BRMS1L: variants seen among roughly 807,000 people sequenced by gnomAD.
BRMS1L encodes BRMS1 like transcriptional repressor, also known as breast cancer metastasis-suppressor 1-like protein.
Under a neutral mutation model 50.3 loss-of-function variants are expected in BRMS1L, and 23 were observed. The observed-to-expected ratio is 0.46, with a 90% CI of 0.33 to 0.65. The LOEUF is 0.65. BRMS1L is among the 30% of genes least tolerant of loss of function. The pLI is 0.02. For synonymous variants in BRMS1L, 114 were observed against 126.9 expected, an observed-to-expected ratio of 0.90 and a Z score of 0.69; for missense variants, 286 against 386.1, an observed-to-expected ratio of 0.74 and a Z score of 2.17.
chr14:35,834,849 T>C lies in BRMS1L; in HGVS notation c.367T>C (p.Tyr123His), dbSNP rs1157955380. 1.3e-6 allele frequency: 2 copies of C among 1,567,544 alleles called. No individual in the cohort carries two copies. The highest frequency in any genetic ancestry group is 4.6e-5 in the East Asian group (2 of 43,202). Residue 123 changes from tyrosine (Y) to histidine (H), a missense_variant, in exon 4 of 10, where the codon TAT becomes CAT. By Grantham distance (83) the Tyr-to-His change is moderately conservative. This residue lies in a region of BRMS1L where 160 missense variants were observed against 240.6 expected (regional missense o/e 0.66). Transcript: ENST00000216807. ...GTAATTGTGTTTGGTTGCAGGAATC[T>C]ATAGAGAGCTCTGCTTAGAATCTGT... ...MQIRTKVAGI[Y>H]RELCLESVKN...
chr14:35,865,890 A>G (rs1298453578), intron 8 of BRMS1L, 129 bp downstream of exon 8: 1 of 821,628 alleles, frequency 1.2e-6, no homozygotes, highest in Non-Finnish European at 1.9e-6. Context: ...GCCTGAAATT[A>G]TGAGGAATTC....
intron 1 of BRMS1L, among the ~76,000 whole-genome samples, chr14:35,828,207 C>T (rs1163137164): frequency 6.6e-6 from 1 of 151,950 alleles, no homozygotes; most frequent in Middle Eastern, 3.2e-3. Context: ...GAGTCTCGCT[C>T]TGTTGCCCAG....
At chr14:35,856,104 C>T (rs2078276441) in intron 4 of BRMS1L, among the ~76,000 whole-genome samples, 1 of 152,180 alleles carries the variant, frequency 6.6e-6, no homozygotes, top group South Asian at 2.1e-4. Context: ...GGAAGATACC[C>T]TGCCAATTGT....
intron 4 of BRMS1L, among the ~76,000 whole-genome samples, chr14:35,857,455 C>T (rs572849969): frequency 5.9e-5 from 9 of 151,604 alleles, no homozygotes; most frequent in Non-Finnish European, 1.2e-4. Context: ...GTATCAGTTG[C>T]TTCTGGAATT....
intron 4 of BRMS1L, among the ~76,000 whole-genome samples, chr14:35,845,325 T>C (rs1303085300): frequency 1.3e-5 from 2 of 152,216 alleles, no homozygotes; most frequent in Non-Finnish European, 2.9e-5. Flanking sequence ...GCTTCTAACA[T>C]TTTTCCAACA....
At chr14:35,839,801 A>T (rs896654107) in intron 4 of BRMS1L, among the ~76,000 whole-genome samples, 1 of 152,198 alleles carries the variant, frequency 6.6e-6, no homozygotes, top group East Asian at 1.9e-4. Context: ...TAAATATACA[A>T]TCGTGTCATC....
At chr14:35,839,018 T>C (rs2078028486) in intron 4 of BRMS1L, among the ~76,000 whole-genome samples, 1 of 152,352 alleles carries the variant, frequency 6.6e-6, no homozygotes, top group Admixed American at 6.5e-5. Context: ...TATGTTTAAG[T>C]CTTTAATCCA....
At chr14:35,849,795 C>T (rs748252837) in intron 4 of BRMS1L, among the ~76,000 whole-genome samples, 12 of 151,886 alleles carry the variant, frequency 7.9e-5, no homozygotes, top group South Asian at 4.2e-4. Flanking sequence ...GCTTTTGCTA[C>T]GGAGTTGAAT....
intron 4 of BRMS1L, among the ~76,000 whole-genome samples, chr14:35,853,538 C>T (rs779106224): frequency 6.6e-5 from 10 of 151,700 alleles, no homozygotes; most frequent in Non-Finnish European, 7.4e-5. Flanking sequence ...CCCAGCCTCC[C>T]AAGTAGCTGT....
chr14:35,865,143 A>G (rs1202274378), intron 7 of BRMS1L, 144 bp downstream of exon 7: 2 of 547,256 alleles, frequency 3.7e-6, no homozygotes, highest in Non-Finnish European at 3.2e-6. Context: ...TAATACTATT[A>G]CAGATAGCAG....
intron 1 of BRMS1L, among the ~76,000 whole-genome samples, chr14:35,829,533 C>T (rs1366996178): frequency 6.6e-6 from 1 of 152,152 alleles, no homozygotes; most frequent in African/African-American, 2.4e-5. Flanking sequence ...CTCTGTTCTA[C>T]CATATGTCTT....
At chr14:35,854,339 C>T (rs2078252149) in intron 4 of BRMS1L, among the ~76,000 whole-genome samples, 1 of 152,102 alleles carries the variant, frequency 6.6e-6, no homozygotes, top group Non-Finnish European at 1.5e-5. Flanking sequence ...TCTAGGATGA[C>T]AGTTATTTTC....
rs772053371 is a variant in BRMS1L at position 35,826,540 on chromosome 14, TAAG to T, written c.28_30del (p.Lys10del). On this transcript the variant is annotated inframe_deletion, in exon 1 of 10. Transcript: ENST00000216807. The stretch of plus-strand genomic sequence containing the variant: ...AAATGCCAGTCCATTCCCGAGGGGA[TAAG>T]AAGGAGACCAACCATCACGATGAGA... 7 of 1,597,760 alleles carry T rather than the reference TAAG, an allele frequency of 4.4e-6. No homozygotes were observed. The highest frequency in any genetic ancestry group is 2.3e-5 in the East Asian group (1 of 44,312).
At chr14:35,841,518 C>T (rs1048874657) in intron 4 of BRMS1L, among the ~76,000 whole-genome samples, 13 of 152,188 alleles carry the variant, frequency 8.5e-5, no homozygotes, top group South Asian at 4.1e-4. Flanking sequence ...AGGATGGTCT[C>T]GATCTCCTGA....
intron 7 of BRMS1L, 64 bp downstream of exon 7, chr14:35,865,063 T>G (rs2078403982): frequency 2.4e-6 from 3 of 1,254,076 alleles, no homozygotes; most frequent in African/African-American, 1.6e-5. Context: ...GATTCTATGT[T>G]TTTTTTGTTA....
rs532430842 is a variant in BRMS1L, at chr14:35,844,001, C to G, written c.441+9078C>G. 6.6e-5 allele frequency among the ~76,000 whole-genome samples: 10 copies of G among 152,272 alleles called. No individual in the cohort carries two copies. The East Asian group carries it at 1.9e-3, about 29-fold the overall frequency. Reference sequence around the variant, plus strand: ...GTTTACACTGTGAGGGGAAAACTGCCTACTCAAGTCTCAGTAATGGTGGAC... The same window carrying G: ...GTTTACACTGTGAGGGGAAAACTGCGTACTCAAGTCTCAGTAATGGTGGAC... On this transcript the variant is annotated intron_variant, in intron 4 of 9. Coordinates refer to ENST00000216807, the MANE Select transcript of BRMS1L (RefSeq NM_032352.4).
In BRMS1L at chr14:35,848,024, A is replaced by C. The variant is rs564117234; in HGVS notation, c.441+13101A>C. ...GTGCTGCAATGAATGTGGGAGTACAAATATTTCTTTGAGATCCCGATTTCA... is the reference window on the plus strand; with the variant it reads ...GTGCTGCAATGAATGTGGGAGTACACATATTTCTTTGAGATCCCGATTTCA... On this transcript the variant is annotated intron_variant, in intron 4 of 9. Coordinates refer to ENST00000216807, the MANE Select transcript of BRMS1L (RefSeq NM_032352.4). Among the ~76,000 whole-genome samples, 46 of 152,316 alleles carry C rather than the reference A, an allele frequency of 3.0e-4. No individual in the cohort carries two copies. The South Asian group carries it at 8.9e-3, about 30-fold the overall frequency.
At chr14:35,830,830 T>C (rs757772470) in intron 1 of BRMS1L, among the ~76,000 whole-genome samples, 2 of 152,174 alleles carry the variant, frequency 1.3e-5, no homozygotes, top group Non-Finnish European at 2.9e-5. Flanking sequence ...TTTATAGTTA[T>C]AGCTTATAGT....
At chr14:35,857,252 T>A (rs6571732) in intron 4 of BRMS1L, among the ~76,000 whole-genome samples, 36,413 of 138,390 alleles carry the variant, frequency 0.26, 4,687 homozygotes, top group Admixed American at 0.34. Flanking sequence ...AAAAAAAAAA[T>A]ATATATATAT....
Sources: allele counts gnomAD v4.1 joint callset (sites outside exome capture counted in the v4.1 genomes callset), GRCh38; gene constraint gnomAD v4.1.1; regional missense constraint gnomAD v4.1.1; transcripts MANE v1.5; gene names NCBI Gene and HGNC (gene_info 2026-07-23, HGNC 2026-07-21).